The following DAP3 variants were observed in gnomAD, a reference collection of about 807,000 sequenced individuals.
DAP3 encodes death associated protein 3.
In DAP3, 28 loss-of-function variants were observed where a neutral mutation model predicts 51.9. The observed-to-expected ratio is 0.54, with a 90% CI of 0.40 to 0.74. DAP3 has a LOEUF of 0.74. Ranked by LOEUF, DAP3 falls within the 30% of genes least tolerant of loss-of-function variation. The pLI, the probability that DAP3 is intolerant of heterozygous loss-of-function variation, is 0.00. For synonymous variants in DAP3, 170 were observed against 170.3 expected (o/e 1.00, Z 0.01); for missense variants, 458 against 483.5 (o/e 0.95, Z 0.49).
Position 155,732,010 on chromosome 1 carries a change from C to G in DAP3, c.970C>G (p.Leu324Val), listed in dbSNP as rs1228497740. 3 of 1,611,804 alleles carry G rather than the reference C, an allele frequency of 1.9e-6. No individual in the cohort carries two copies. The African/African-American group carries it at 4.0e-5, about 22-fold the overall frequency. The change falls in exon 11 of 13, where the codon CTG becomes GTG. Residue 324 changes from leucine to valine, a missense_variant. By Grantham distance (32) the Leu-to-Val change is conservative. Transcript: ENST00000368336. ...GSLFKPRKAYLPQELLGKEGF... is the reference protein window; with the variant it reads ...GSLFKPRKAYVPQELLGKEGF... ...TCTCTTTAAGCCCCGGAAAGCCTATCTGCCCCAGGAGTTGCTGGGAAAGGT... is the reference window on the plus strand; with the variant it reads ...TCTCTTTAAGCCCCGGAAAGCCTATGTGCCCCAGGAGTTGCTGGGAAAGGT...
intron 1 of DAP3, among the ~76,000 whole-genome samples, chr1:155,704,885 A>G (rs1318247664): frequency 2.0e-5 from 3 of 151,762 alleles, no homozygotes; most frequent in Non-Finnish European, 4.4e-5. Context: ...AGGCTGAGGC[A>G]GGAGAACTGT....
intron 6 of DAP3, chr1:155,726,254 C>T (rs184308876): frequency 1.3e-5 from 4 of 300,800 alleles, no homozygotes; most frequent in Admixed American, 1.0e-4. Context: ...GCTGGGATTA[C>T]AGGCGCCCAC....
At chr1:155,717,798 G>A (rs1190345856) in intron 3 of DAP3, among the ~76,000 whole-genome samples, 1 of 152,182 alleles carries the variant, frequency 6.6e-6, no homozygotes, top group African/African-American at 2.4e-5. Context: ...TTGGTTTGTT[G>A]TGAGAAGAGC....
intron 9 of DAP3, among the ~76,000 whole-genome samples, chr1:155,730,914 C>G (rs1571560476): frequency 6.6e-6 from 1 of 151,990 alleles, no homozygotes; most frequent in African/African-American, 2.4e-5. Flanking sequence ...CCAGAGGCTA[C>G]GTGGCTTATC....
At position 155,689,907 on chromosome 1, in the gene DAP3, T is replaced by TCA. The variant is rs3041216; in HGVS notation, c.-8+753_-8+754dup. Reference sequence around the variant, plus strand: ...AGCCTGGCGACAAAGCGAGACTCCGTCACACACACACACACACACACGAAA... The same window carrying TCA: ...AGCCTGGCGACAAAGCGAGACTCCGTCACACACACACACACACACACACGAAA... On this transcript the variant is annotated intron_variant, in intron 1 of 12. Coordinates refer to ENST00000368336, the MANE Select transcript of DAP3 (RefSeq NM_004632.4). Among the ~76,000 whole-genome samples, 199 of 142,418 alleles carry TCA rather than the reference T, an allele frequency of 1.4e-3. 1 individual carries two copies. The highest frequency in any genetic ancestry group is 4.5e-3 in the African/African-American group (153 of 34,046). The allele number at this position is 142,418 out of a possible 152,430, so 93.4% of individuals were successfully genotyped here.
intron 1 of DAP3, among the ~76,000 whole-genome samples, chr1:155,705,157 G>A (rs145494253): frequency 3.8e-4 from 58 of 151,612 alleles, no homozygotes; most frequent in Admixed American, 1.3e-3. Flanking sequence ...ACAGTGGCAC[G>A]TGCCTGTAAT....
chr1:155,733,085 C>G (rs897563864), intron 11 of DAP3, among the ~76,000 whole-genome samples: 1 of 152,208 alleles, frequency 6.6e-6, no homozygotes, highest in Non-Finnish European at 1.5e-5. Context: ...GTCTGTCAGT[C>G]TTTGTCATTT....
rs540444815 is a variant in DAP3, at chr1:155,702,779, G to A, written c.-7-6994G>A. On this transcript the variant is annotated intron_variant, in intron 1 of 12. Transcript: ENST00000368336. ...AGGTCAGGAGGTGAAGACCAGCCTG[G>A]CCAAGATGGCGAAACTCCGTCTTTA... 2.6e-5 allele frequency among the ~76,000 whole-genome samples: 4 copies of A among 152,256 alleles called. No homozygotes were observed. The South Asian group carries it at 8.3e-4, about 32-fold the overall frequency.
intron 1 of DAP3, among the ~76,000 whole-genome samples, chr1:155,702,211 T>TGTA (rs1655386849): frequency 1.3e-5 from 2 of 149,066 alleles, no homozygotes; most frequent in Non-Finnish European, 3.0e-5. Context: ...GGCTCACACC[T>TGTA]GTAATCCCAG....
intron 1 of DAP3, among the ~76,000 whole-genome samples, chr1:155,707,197 A>G (rs752213045): frequency 6.6e-6 from 1 of 152,122 alleles, no homozygotes; most frequent in Non-Finnish European, 1.5e-5. Context: ...GAGGATCACA[A>G]GGTCAGGAGA....
chr1:155,733,873 G>A (rs1264041968), intron 11 of DAP3, among the ~76,000 whole-genome samples: 3 of 151,888 alleles, frequency 2.0e-5, no homozygotes, highest in Non-Finnish European at 1.5e-5. Flanking sequence ...TTCCTTCATG[G>A]CCAGGCTTGG....
chr1:155,701,539 T>C (rs1195934579), intron 1 of DAP3, among the ~76,000 whole-genome samples: 3 of 116,792 alleles, frequency 2.6e-5, no homozygotes, highest in Non-Finnish European at 5.1e-5. Context: ...ACACAAACAC[T>C]GCGGAAGGCC....
intron 1 of DAP3, among the ~76,000 whole-genome samples, chr1:155,699,400 T>A (rs893588595): frequency 6.6e-6 from 1 of 152,168 alleles, no homozygotes; most frequent in Non-Finnish European, 1.5e-5. Flanking sequence ...GCTCAGAGCA[T>A]GGGAACATAA....
chr1:155,714,511 T>C (rs528454878), intron 2 of DAP3, among the ~76,000 whole-genome samples: 1 of 152,302 alleles, frequency 6.6e-6, no homozygotes, highest in South Asian at 2.1e-4. Context: ...ACACCCATAA[T>C]CCCAGCACTT....
At chr1:155,727,489 A>G (rs1026341935) in intron 6 of DAP3, 119 bp from the exon 7 acceptor site, 18 of 1,129,286 alleles carry the variant, frequency 1.6e-5, no homozygotes, top group Non-Finnish European at 2.1e-5. Flanking sequence ...AAAAAAAAGA[A>G]AAGAAATATA....
chr1:155,713,426 G>A (rs1027030332), intron 2 of DAP3, among the ~76,000 whole-genome samples: 1 of 152,204 alleles, frequency 6.6e-6, no homozygotes, highest in African/African-American at 2.4e-5. Context: ...ACAAGTAATG[G>A]TTCAGAAGTT....
chr1:155,695,350 A>G (rs1331364659), intron 1 of DAP3, among the ~76,000 whole-genome samples: 1 of 152,202 alleles, frequency 6.6e-6, no homozygotes, highest in Admixed American at 6.5e-5. Context: ...CAGTTCCTTG[A>G]TACGGTAGTT....
chr1:155,689,264 A>C (rs1653300450), intron 1 of DAP3, 90 bp downstream of exon 1: 3 of 664,804 alleles, frequency 4.5e-6, no homozygotes, highest in Non-Finnish European at 8.3e-6. Context: ...AGGCCGGTAG[A>C]CCGGCGCGCC....
intron 3 of DAP3, 68 bp downstream of exon 3, chr1:155,717,196 T>C (rs1038070036): frequency 5.7e-6 from 9 of 1,577,624 alleles, no homozygotes; most frequent in African/African-American, 4.1e-5. Flanking sequence ...TCATTTTGCA[T>C]AGGAAAACTG....
Sources: gnomAD v4.1 joint callset for allele counts (sites outside exome capture counted in the v4.1 genomes callset) on GRCh38, gnomAD v4.1.1 for gene constraint, MANE v1.5 for transcripts, NCBI Gene and HGNC (gene_info 2026-07-23, HGNC 2026-07-21) for gene names.